Variants in ASIC2 observed in about 807,000 individuals in gnomAD.
The protein encoded by ASIC2 is acid-sensing ion channel 2.
In ASIC2, 25 loss-of-function variants were observed where a neutral mutation model predicts 57.3. The observed-to-expected ratio is 0.44, with a 90% CI of 0.32 to 0.61. The LOEUF is 0.61. Among genes scored for constraint, ASIC2 ranks in the 20% least tolerant of loss-of-function variants. The pLI, the probability that ASIC2 is intolerant of heterozygous loss-of-function variation, is 0.06. For synonymous variants in ASIC2, 319 were observed against 307.5 expected (o/e 1.04, Z -0.39); for missense variants, 641 against 738.1 (o/e 0.87, Z 1.52).
At chr17:33,742,769 T>C (rs1306576294) in intron 1 of ASIC2, among the ~76,000 whole-genome samples, 4 of 152,196 alleles carry the variant, frequency 2.6e-5, no homozygotes, top group Non-Finnish European at 5.9e-5. Flanking sequence ...AAACTGCTTT[T>C]GACCAGATGG....
intron 1 of ASIC2, among the ~76,000 whole-genome samples, chr17:33,671,561 G>T (rs552862286): frequency 6.6e-6 from 1 of 152,174 alleles, no homozygotes; most frequent in African/African-American, 2.4e-5. Flanking sequence ...GGACTATTTA[G>T]TGTTCTCCTA....
chr17:33,151,807 G>A (rs139285690), intron 1 of ASIC2, among the ~76,000 whole-genome samples: 250 of 152,202 alleles, frequency 1.6e-3, no homozygotes, highest in African/African-American at 5.7e-3. Context: ...TCCCAGCCGC[G>A]GAACTGTAAG....
chr17:33,739,328 G>A, intron 1 of ASIC2, among the ~76,000 whole-genome samples: 1 of 152,204 alleles, frequency 6.6e-6, no homozygotes, highest in East Asian at 1.9e-4. Context: ...AGGGTGGAGG[G>A]AAGAGCATGG....
chr17:33,772,776 A>AGGAAAGC (rs1911152993), intron 1 of ASIC2, among the ~76,000 whole-genome samples: 3 of 152,156 alleles, frequency 2.0e-5, no homozygotes, highest in Non-Finnish European at 4.4e-5. Flanking sequence ...GAAAGCGGGG[A>AGGAAAGC]GGCTTGGGCT....
At chr17:33,131,188 C>T (rs145370656) in intron 1 of ASIC2, among the ~76,000 whole-genome samples, 157 of 152,246 alleles carry the variant, frequency 1.0e-3, no homozygotes, top group African/African-American at 2.6e-3. Context: ...CTGCTTCAAA[C>T]GCCAGCTACC....
intron 1 of ASIC2, among the ~76,000 whole-genome samples, chr17:33,549,846 C>T (rs897111809): frequency 6.6e-6 from 1 of 152,190 alleles, no homozygotes; most frequent in Non-Finnish European, 1.5e-5. Flanking sequence ...TCTTCCTCCT[C>T]CACCTCAGTG....
chr17:33,319,154 C>A (rs561590864), intron 1 of ASIC2, among the ~76,000 whole-genome samples: 2 of 152,148 alleles, frequency 1.3e-5, no homozygotes, highest in Non-Finnish European at 2.9e-5. Flanking sequence ...CACTTGAACC[C>A]GGGATGCGGA....
intron 2 of ASIC2, among the ~76,000 whole-genome samples, chr17:33,109,139 C>T (rs559607832): frequency 1.3e-5 from 2 of 152,228 alleles, no homozygotes; most frequent in South Asian, 2.1e-4. Flanking sequence ...ACATTGGGTA[C>T]AGTGTACACT....
chr17:34,103,161 GA>G (rs1463058365), intron 1 of ASIC2, among the ~76,000 whole-genome samples: 1 of 152,106 alleles, frequency 6.6e-6, no homozygotes, highest in East Asian at 1.9e-4. Flanking sequence ...AGGGGAGTGG[GA>G]GGGGGGACAG....
At chr17:33,906,395 T>A (rs1915350340) in intron 1 of ASIC2, among the ~76,000 whole-genome samples, 1 of 152,166 alleles carries the variant, frequency 6.6e-6, no homozygotes, top group African/African-American at 2.4e-5. Context: ...TCCTAAAAAG[T>A]TCCCCCAGCA....
At chr17:33,462,045 C>T (rs931930026) in intron 1 of ASIC2, among the ~76,000 whole-genome samples, 8 of 152,090 alleles carry the variant, frequency 5.3e-5, no homozygotes, top group South Asian at 4.2e-4. Context: ...GAAGAGAGAC[C>T]GCGTATTTCA....
At chr17:33,087,849 G>T (rs192842237) in intron 3 of ASIC2, among the ~76,000 whole-genome samples, 1 of 151,818 alleles carries the variant, frequency 6.6e-6, no homozygotes, top group African/African-American at 2.4e-5. Flanking sequence ...GTGAACCACC[G>T]TGCCCGGCCC....
chr17:33,054,759 G>C (rs2091991030), intron 3 of ASIC2, among the ~76,000 whole-genome samples: 1 of 152,216 alleles, frequency 6.6e-6, no homozygotes. Context: ...TATAAAAACT[G>C]GGGTAAGATG....
At chr17:33,305,859 C>A (rs1276809224) in intron 1 of ASIC2, among the ~76,000 whole-genome samples, 3 of 152,144 alleles carry the variant, frequency 2.0e-5, no homozygotes, top group Non-Finnish European at 4.4e-5. Context: ...AGAGTCTGAA[C>A]AACAATTTCA....
At chr17:33,456,445 T>C (rs531573988) in intron 1 of ASIC2, among the ~76,000 whole-genome samples, 7 of 152,192 alleles carry the variant, frequency 4.6e-5, no homozygotes, top group Non-Finnish European at 8.8e-5. Flanking sequence ...TTGCAAAATC[T>C]GCTCATAATG....
chr17:33,908,195 G>T (rs1021154408), intron 1 of ASIC2, among the ~76,000 whole-genome samples: 1 of 152,224 alleles, frequency 6.6e-6, no homozygotes, highest in East Asian at 1.9e-4. Flanking sequence ...CCATGGTCAC[G>T]TTGAGTGGGC....
chr17:33,016,311 C>T (rs923643738), intron 8 of ASIC2, among the ~76,000 whole-genome samples: 73 of 152,132 alleles, frequency 4.8e-4, no homozygotes, highest in Admixed American at 1.4e-3. Flanking sequence ...TTGTGGCTGG[C>T]GAGTGTTAGT....
At chr17:33,966,510 A>G (rs1392051814) in intron 1 of ASIC2, among the ~76,000 whole-genome samples, 2 of 152,254 alleles carry the variant, frequency 1.3e-5, no homozygotes, top group Non-Finnish European at 1.5e-5. Flanking sequence ...AACTGGTAAC[A>G]TCATAGAATG....
At chr17:33,091,824 CA>C (rs2092158694) in intron 2 of ASIC2, among the ~76,000 whole-genome samples, 2 of 152,168 alleles carry the variant, frequency 1.3e-5, no homozygotes, top group Non-Finnish European at 2.9e-5. Flanking sequence ...GAACTTTCTG[CA>C]AAGATGGGAA....
Sources: gnomAD v4.1 joint callset for allele counts (sites outside exome capture counted in the v4.1 genomes callset) on GRCh38, gnomAD v4.1.1 for gene constraint, MANE v1.5 for transcripts, NCBI Gene and HGNC (gene_info 2026-07-23, HGNC 2026-07-21) for gene names.